Variants in TRPM3 observed in about 807,000 individuals in gnomAD.
TRPM3 encodes the protein long transient receptor potential channel 3.
Under a neutral mutation model 181.2 loss-of-function variants are expected in TRPM3, and 77 were observed. That is an observed-to-expected ratio of 0.42 (90% CI 0.35 to 0.51). TRPM3 has a LOEUF of 0.51. Among genes scored for constraint, TRPM3 ranks in the 20% least tolerant of loss-of-function variants. TRPM3 has a pLI of 0.01. For missense variants in TRPM3, 1,759 were observed against 2,196.7 expected (o/e 0.80, Z 3.98); for synonymous variants, 745 against 796.4 (o/e 0.94, Z 1.09).
intron 1 of TRPM3, among the ~76,000 whole-genome samples, chr9:70,971,238 C>T (rs1194011612): frequency 1.3e-5 from 2 of 152,160 alleles, no homozygotes; most frequent in Admixed American, 1.3e-4. Flanking sequence ...TTCTTTTCCC[C>T]TTCTACTGAG....
chr9:70,641,645 T>C (rs2058079334), intron 9 of TRPM3, among the ~76,000 whole-genome samples: 1 of 152,232 alleles, frequency 6.6e-6, no homozygotes, highest in Non-Finnish European at 1.5e-5. Context: ...TCAGTCAGGC[T>C]AGCCACATTT....
intron 21 of TRPM3, among the ~76,000 whole-genome samples, chr9:70,593,777 GA>G (rs1258301609): frequency 1.3e-5 from 2 of 150,862 alleles, no homozygotes; most frequent in African/African-American, 4.9e-5. Context: ...TCAATATTAA[GA>G]GAGCTGATCC....
At chr9:70,771,503 C>T (rs371953618) in intron 7 of TRPM3, among the ~76,000 whole-genome samples, 2 of 152,054 alleles carry the variant, frequency 1.3e-5, no homozygotes, top group Non-Finnish European at 2.9e-5. Flanking sequence ...TCCTTGTTCT[C>T]ACCTTAGACT....
intron 1 of TRPM3, among the ~76,000 whole-genome samples, chr9:71,283,688 G>A (rs1227107682): frequency 6.6e-6 from 1 of 152,144 alleles, no homozygotes; most frequent in African/African-American, 2.4e-5. Flanking sequence ...GGGCACTTGG[G>A]TATCACAAAT....
intron 1 of TRPM3, among the ~76,000 whole-genome samples, chr9:71,308,562 T>C (rs2087606655): frequency 6.6e-6 from 1 of 152,198 alleles, no homozygotes; most frequent in Admixed American, 6.5e-5. Context: ...AAGAACCTAA[T>C]CATTTTCTTT....
intron 21 of TRPM3, among the ~76,000 whole-genome samples, chr9:70,595,002 A>G (rs1233386844): frequency 1.3e-5 from 2 of 152,316 alleles, no homozygotes; most frequent in East Asian, 3.9e-4. Flanking sequence ...AAGTGTACTC[A>G]TTTTGTACTT....
chr9:70,937,977 A>T (rs1287121487), intron 1 of TRPM3, among the ~76,000 whole-genome samples: 1 of 152,210 alleles, frequency 6.6e-6, no homozygotes, highest in Non-Finnish European at 1.5e-5. Context: ...CTCTCCTTTG[A>T]GAACCGTGGT....
chr9:70,781,328 A>G (rs1189836202), intron 7 of TRPM3, among the ~76,000 whole-genome samples: 5 of 20,734 alleles, frequency 2.4e-4, no homozygotes, highest in African/African-American at 1.1e-3. Context: ...CCATTTCATA[A>G]AAAAAAAAAA....
In TRPM3 at chr9:70,959,159, TA is replaced by T. The variant is rs1244817761; in HGVS notation, c.178-94649del. On this transcript the variant is annotated intron_variant, in intron 1 of 25. Coordinates refer to ENST00000677713, the MANE Select transcript of TRPM3 (RefSeq NM_001366145.2). ...CCTAAAACTTAAAGTATAATAATAATAAAAAAAAGAAAAAAAATATGTCACC... is the reference window on the plus strand; with the variant it reads ...CCTAAAACTTAAAGTATAATAATAATAAAAAAAGAAAAAAAATATGTCACC... Among the ~76,000 whole-genome samples, 12 of 149,192 alleles carry T rather than the reference TA, an allele frequency of 8.0e-5. No individual in the cohort carries two copies. In the South Asian group the frequency reaches 8.5e-4, roughly 11 times the overall value.
intron 1 of TRPM3, among the ~76,000 whole-genome samples, chr9:71,255,222 T>C (rs2082597914): frequency 6.6e-6 from 1 of 152,218 alleles, no homozygotes; most frequent in African/African-American, 2.4e-5. Context: ...TCCACAAATG[T>C]TGAAGATTTT....
intron 1 of TRPM3, among the ~76,000 whole-genome samples, chr9:71,339,179 A>G (rs1167107507): frequency 6.6e-6 from 1 of 152,140 alleles, no homozygotes; most frequent in Non-Finnish European, 1.5e-5. Flanking sequence ...TATCCTTAAA[A>G]GATATAAATG....
At chr9:70,828,758 T>C (rs1564481810) in intron 5 of TRPM3, among the ~76,000 whole-genome samples, 1 of 151,534 alleles carries the variant, frequency 6.6e-6, no homozygotes, top group African/African-American at 2.4e-5. Flanking sequence ...AGTTGCTCTA[T>C]ACATGTTATC....
chr9:71,397,243 T>C (rs928439525), intron 1 of TRPM3, among the ~76,000 whole-genome samples: 3 of 152,232 alleles, frequency 2.0e-5, no homozygotes, highest in African/African-American at 7.2e-5. Flanking sequence ...TAATATGGTT[T>C]TTATCTGGAG....
chr9:70,630,416 T>A (rs2065595373), intron 12 of TRPM3, among the ~76,000 whole-genome samples: 1 of 152,202 alleles, frequency 6.6e-6, no homozygotes, highest in South Asian at 2.1e-4. Flanking sequence ...GTTTGGTTAG[T>A]GGAACCAGAG....
chr9:70,915,603 C>A (rs2096586567), intron 1 of TRPM3, among the ~76,000 whole-genome samples: 1 of 151,722 alleles, frequency 6.6e-6, no homozygotes, highest in Non-Finnish European at 1.5e-5. Flanking sequence ...CCACGCCTGG[C>A]CACATGAGAG....
Position 71,042,703 on chromosome 9 carries a change from G to T in TRPM3, c.177+78475C>A, listed in dbSNP as rs77504735. Among the ~76,000 whole-genome samples the T allele has an allele frequency of 6.2e-3, 939 of 152,272 alleles. 9 individuals are homozygous for T. The highest frequency in any genetic ancestry group is 0.021 in the African/African-American group (868 of 41,556). ...CAGTAGAAGTTTCTGCCCTCTGACA[G>T]CATTTGATTACATTTGGGTAACTCT... On this transcript the variant is annotated intron_variant, in intron 1 of 25. Transcript: ENST00000677713.
rs146096711 is a variant in TRPM3, at chr9:70,760,371, G to A, written c.1272+1230C>T. ...GGGCTTCAGTGCCTCCCTGGATAGA[G>A]GAAGTATTCGAGCTGCAACACCATG... On this transcript the variant is annotated intron_variant, in intron 8 of 25. Transcript: ENST00000677713. Among the ~76,000 whole-genome samples, 11 of 149,944 alleles carry A rather than the reference G, an allele frequency of 7.3e-5. No homozygotes were observed. In the East Asian group the frequency reaches 2.2e-3, roughly 29 times the overall value.
chr9:71,433,307 C>T (rs1280618115), intron 1 of TRPM3, among the ~76,000 whole-genome samples: 1 of 152,282 alleles, frequency 6.6e-6, no homozygotes, highest in African/African-American at 2.4e-5. Flanking sequence ...CAGTTACCCC[C>T]GTGCTGTTCT....
At chr9:71,219,358 C>G (rs1329080269) in intron 1 of TRPM3, among the ~76,000 whole-genome samples, 1 of 152,178 alleles carries the variant, frequency 6.6e-6, no homozygotes. Flanking sequence ...TCCTGAACCT[C>G]TTAATGGTCA....
Sources: gnomAD v4.1 joint callset for allele counts (sites outside exome capture counted in the v4.1 genomes callset) on GRCh38, gnomAD v4.1.1 for gene constraint, MANE v1.5 for transcripts, NCBI Gene and HGNC (gene_info 2026-07-23, HGNC 2026-07-21) for gene names.